The following IDO2 variants were observed in gnomAD, a reference collection of about 807,000 sequenced individuals.
IDO2 encodes indoleamine 2,3-dioxygenase 2, also known as indoleamine 2,3-dioxygenase-like 1 protein.
Under a neutral mutation model 45.1 loss-of-function variants are expected in IDO2, and 46 were observed. That is an observed-to-expected ratio of 1.02 (90% CI 0.80 to 1.30). The LOEUF (loss-of-function observed/expected upper bound fraction) is 1.30, where lower values mean the gene tolerates loss of function less well. IDO2 is among the 50% of genes most tolerant of loss of function. The probability of loss-of-function intolerance (pLI) is 0.00; values close to 1 mark genes in which losing one functional copy is unlikely to be tolerated. For synonymous variants in IDO2, 218 were observed against 184.9 expected (o/e 1.18, Z -1.45); for missense variants, 544 against 491.8 (o/e 1.11, Z -1.00).
At chr8:39,938,877 G>T (rs750817101) in intron 1 of IDO2, among the ~76,000 whole-genome samples, 16 of 152,156 alleles carry the variant, frequency 1.1e-4, no homozygotes, top group Non-Finnish European at 1.9e-4. Context: ...TTAAAACAAT[G>T]AGATACCACT....
chr8:39,947,549 T>C (rs1420341864), intron 1 of IDO2, among the ~76,000 whole-genome samples: 2 of 152,220 alleles, frequency 1.3e-5, no homozygotes, highest in Non-Finnish European at 2.9e-5. Flanking sequence ...CTCCTCTACC[T>C]GTGCCTCTTT....
chr8:39,997,372 G>T (rs1270864770), intron 8 of IDO2, among the ~76,000 whole-genome samples: 1 of 148,578 alleles, frequency 6.7e-6, no homozygotes, highest in African/African-American at 2.5e-5. Flanking sequence ...AAAATCCAAA[G>T]TAAAAAAAAA....
intron 1 of IDO2, among the ~76,000 whole-genome samples, chr8:39,946,084 T>C (rs1055619709): frequency 6.6e-6 from 1 of 152,174 alleles, no homozygotes; most frequent in African/African-American, 2.4e-5. Context: ...GCTACAAGAT[T>C]CTGACTCTCC....
At chr8:39,999,880 A>T (rs1027394723) in intron 8 of IDO2, among the ~76,000 whole-genome samples, 1 of 152,206 alleles carries the variant, frequency 6.6e-6, no homozygotes, top group Non-Finnish European at 1.5e-5. Flanking sequence ...CATTCACCAG[A>T]GGCAGCCAGT....
chr8:40,004,525 T>TA (rs376224772), intron 8 of IDO2, among the ~76,000 whole-genome samples: 9 of 144,398 alleles, frequency 6.2e-5, no homozygotes, highest in African/African-American at 1.0e-4. Flanking sequence ...GACAGACAGA[T>TA]GATAGATAGA....
At chr8:39,968,716 G>T (rs1371284405) in intron 3 of IDO2, among the ~76,000 whole-genome samples, 1 of 151,912 alleles carries the variant, frequency 6.6e-6, no homozygotes, top group Admixed American at 6.6e-5. Context: ...GTTGTGGGGT[G>T]GGGGGCTAGG....
chr8:39,995,296 T>TCTTCTTCTTCTTCCTC (rs1276384656), intron 8 of IDO2: 1 of 145,478 alleles, frequency 6.9e-6, no homozygotes, highest in South Asian at 2.2e-4. Context: ...TTCTTTTTTT[T>TCTTCTTCTTCTTCCTC]TTGAGATGGA....
At chr8:39,972,546 G>C (rs1173183731) in intron 3 of IDO2, among the ~76,000 whole-genome samples, 2 of 140,436 alleles carry the variant, frequency 1.4e-5, no homozygotes, top group Admixed American at 7.8e-5. Context: ...GGAGGCAGAG[G>C]TTGCAGTGAG....
chr8:40,000,273 G>A (rs533879055), intron 8 of IDO2, among the ~76,000 whole-genome samples: 30 of 152,130 alleles, frequency 2.0e-4, no homozygotes, highest in Admixed American at 5.2e-4. Flanking sequence ...CTAGCTGGGC[G>A]TAGTGGCGTG....
chr8:39,990,003 T>C (rs760687111), intron 8 of IDO2, among the ~76,000 whole-genome samples, 165 bp downstream of exon 8: 56 of 152,184 alleles, frequency 3.7e-4, no homozygotes, highest in Non-Finnish European at 6.3e-4. Flanking sequence ...CATATTATCT[T>C]GGAGAGCTAT....
At chr8:40,010,210 C>G (rs1171359985) in intron 9 of IDO2, among the ~76,000 whole-genome samples, 6 of 152,096 alleles carry the variant, frequency 3.9e-5, no homozygotes, top group African/African-American at 1.4e-4. Flanking sequence ...TGCCACAGCC[C>G]TCTATGACAT....
chr8:39,968,097 G>T (rs12675165), intron 3 of IDO2, among the ~76,000 whole-genome samples: 12,075 of 145,376 alleles, frequency 0.083, 981 homozygotes, highest in East Asian at 0.31. Flanking sequence ...AAAAAAATCT[G>T]GAAGAAAACA....
At chr8:39,976,709 C>A (rs1028640714) in intron 3 of IDO2, among the ~76,000 whole-genome samples, 1 of 152,156 alleles carries the variant, frequency 6.6e-6, no homozygotes, top group Admixed American at 6.6e-5. Context: ...GAGGGAAAAT[C>A]ACATATTTGG....
chr8:40,007,154 C>T (rs1446403383), intron 9 of IDO2, among the ~76,000 whole-genome samples: 1 of 151,366 alleles, frequency 6.6e-6, no homozygotes, highest in East Asian at 1.9e-4. Flanking sequence ...AAATAGATAT[C>T]ATCTAGTGGG....
At chr8:39,994,854 A>T (rs1210870858) in intron 8 of IDO2, among the ~76,000 whole-genome samples, 1 of 152,228 alleles carries the variant, frequency 6.6e-6, no homozygotes, top group East Asian at 1.9e-4. Flanking sequence ...ATAATTGGGA[A>T]AATACAACTC....
chr8:39,982,324 C>T (rs1413058639), intron 4 of IDO2, among the ~76,000 whole-genome samples: 1 of 151,738 alleles, frequency 6.6e-6, no homozygotes, highest in African/African-American at 2.4e-5. Flanking sequence ...ATAATATTCT[C>T]GGGCCCCAGT....
At chr8:39,988,295 G>A (rs554093213) in intron 7 of IDO2, among the ~76,000 whole-genome samples, 5 of 152,162 alleles carry the variant, frequency 3.3e-5, no homozygotes, top group East Asian at 3.8e-4. Flanking sequence ...ATGGATTAAC[G>A]TGGATTACAG....
At chr8:39,974,548 C>G (rs570804376) in intron 3 of IDO2, among the ~76,000 whole-genome samples, 101 of 152,180 alleles carry the variant, frequency 6.6e-4, no homozygotes, top group African/African-American at 2.2e-3. Flanking sequence ...TTTGGGAGGC[C>G]GAGGTGGGTG....
At chr8:39,964,444 T>C (rs936917648) in intron 3 of IDO2, among the ~76,000 whole-genome samples, 7 of 152,238 alleles carry the variant, frequency 4.6e-5, no homozygotes, top group African/African-American at 9.6e-5. Context: ...TCAGTATACA[T>C]TCATTACTTC....
Sources: gnomAD v4.1 joint callset for allele counts (sites outside exome capture counted in the v4.1 genomes callset) on GRCh38, gnomAD v4.1.1 for gene constraint, MANE v1.5 for transcripts, NCBI Gene and HGNC (gene_info 2026-07-23, HGNC 2026-07-21) for gene names.